The following TRIO variants were observed in gnomAD, a reference collection of about 807,000 sequenced individuals.
The protein encoded by TRIO is trio Rho guanine nucleotide exchange factor.
A neutral mutation model predicts 351.9 loss-of-function variants in TRIO; 58 were observed. That is an observed-to-expected ratio of 0.16 (90% CI 0.13 to 0.21). TRIO has a LOEUF of 0.21. TRIO is among the 10% of genes least tolerant of loss of function. TRIO has a pLI of 1.00. For missense variants in TRIO, 3,201 were observed against 4,027.8 expected (o/e 0.79, Z 5.56); for synonymous variants, 1,758 against 1,595.7 (o/e 1.10, Z -2.42).
At chr5:14,239,502 T>G (rs558796928) in intron 1 of TRIO, among the ~76,000 whole-genome samples, 2 of 152,304 alleles carry the variant, frequency 1.3e-5, no homozygotes, top group South Asian at 4.1e-4. Context: ...GTCGTGCACG[T>G]AATGACTTGT....
At chr5:14,229,843 C>T (rs1380441924) in intron 1 of TRIO, among the ~76,000 whole-genome samples, 2 of 152,224 alleles carry the variant, frequency 1.3e-5, no homozygotes, top group African/African-American at 2.4e-5. Context: ...TTAGGTATGA[C>T]TGCTAAAACA....
chr5:14,498,227 A>G lies in TRIO; in HGVS notation c.8186A>G (p.Asp2729Gly). 6.2e-7 allele frequency: 1 copy of G among 1,614,148 alleles called. No homozygotes were observed. ...KGPEHNTLNNDGHYSISYSDL... is the reference protein window; with the variant it reads ...KGPEHNTLNNGGHYSISYSDL... The stretch of plus-strand genomic sequence containing the variant: ...CCTGAACACAACACCTTGAACAACG[A>G]TGGTCACTACAGCATCTCCTACAGG... Residue 2729 changes from aspartate (D) to glycine (G), a missense_variant, in exon 52 of 57, where the codon GAT becomes GGT. Coordinates refer to ENST00000344204, the MANE Select transcript of TRIO (RefSeq NM_007118.4).
chr5:14,444,134 A>G (rs539608474), intron 34 of TRIO, among the ~76,000 whole-genome samples: 114 of 151,212 alleles, frequency 7.5e-4, no homozygotes, highest in Non-Finnish European at 1.5e-3. Context: ...TCACCACTGC[A>G]ATTTTTGTTT....
intron 9 of TRIO, among the ~76,000 whole-genome samples, chr5:14,325,431 C>G (rs967893230): frequency 6.6e-6 from 1 of 152,120 alleles, no homozygotes; most frequent in Non-Finnish European, 1.5e-5. Flanking sequence ...ACAGAACACA[C>G]GGCGAGAGAG....
intron 1 of TRIO, among the ~76,000 whole-genome samples, chr5:14,172,754 G>C (rs1789174398): frequency 6.6e-6 from 1 of 152,248 alleles, no homozygotes; most frequent in African/African-American, 2.4e-5. Flanking sequence ...TGAGGGATAA[G>C]TAATCCCATC....
rs1297411943 is a variant in TRIO at position 14,421,226 on chromosome 5, TATTTA to T, written c.5203+1206_5203+1210del. 1.1e-4 allele frequency among the ~76,000 whole-genome samples: 13 copies of T among 113,672 alleles called. No individual in the cohort carries two copies. The Admixed American group carries it at 1.2e-3, about 10-fold the overall frequency. The allele number at this position is 113,672 out of a possible 152,430, so 74.6% of individuals were successfully genotyped here. ...TTTTTCCCTTATTTAATTATTTATTTATTTATTTTATTTTATTTTATTTTATTTTA... is the reference window on the plus strand; with the variant it reads ...TTTTTCCCTTATTTAATTATTTATTTTTTTATTTTATTTTATTTTATTTTA... On this transcript the variant is annotated intron_variant, in intron 34 of 56. Transcript: ENST00000344204.
rs183029562 is a variant in TRIO at position 14,206,702 on chromosome 5, T to A, written c.157+62820T>A. The stretch of plus-strand genomic sequence containing the variant: ...CTGAAGTACATATTCGTTATCTGCG[T>A]GAGACAGTACAGATTGGTGTATAGT... On this transcript the variant is annotated intron_variant, in intron 1 of 56. Coordinates refer to ENST00000344204, the MANE Select transcript of TRIO (RefSeq NM_007118.4). Among the ~76,000 whole-genome samples, 562 of 152,348 alleles carry A rather than the reference T, an allele frequency of 3.7e-3. 3 individuals are homozygous for A. Among genetic ancestry groups the A allele is most frequent in the African/African-American group, 0.013 (540 of 41,580 alleles).
At chr5:14,149,485 G>A (rs955964755) in intron 1 of TRIO, among the ~76,000 whole-genome samples, 2 of 152,114 alleles carry the variant, frequency 1.3e-5, no homozygotes, top group Non-Finnish European at 2.9e-5. Context: ...ACATAAGGAA[G>A]CCCCTTGAAA....
At chr5:14,506,977 C>T in intron 55 of TRIO, 145 bp from the exon 56 acceptor site, 4 of 1,130,026 alleles carry the variant, frequency 3.5e-6, no homozygotes, top group Non-Finnish European at 4.7e-6. Context: ...CCCTCCTTGT[C>T]TAGTCACGCC....
chr5:14,176,749 C>A (rs1293851900), intron 1 of TRIO, among the ~76,000 whole-genome samples: 2 of 152,152 alleles, frequency 1.3e-5, no homozygotes, highest in African/African-American at 4.8e-5. Context: ...AGCCTCAGTT[C>A]ATTCTTTTAA....
At chr5:14,290,592 T>G in intron 4 of TRIO, 124 bp from the exon 5 acceptor site, 1 of 1,007,762 alleles carries the variant, frequency 9.9e-7, no homozygotes, top group Non-Finnish European at 1.4e-6. Context: ...ACCAGGTATG[T>G]TATGTTTTCT....
intron 25 of TRIO, 98 bp downstream of exon 25, chr5:14,389,496 C>T (rs890218914): frequency 2.3e-6 from 2 of 854,168 alleles, no homozygotes; most frequent in South Asian, 3.9e-5. Context: ...AAGCAGATTT[C>T]AGTGATTTTG....
At chr5:14,283,301 C>G (rs943593958) in intron 3 of TRIO, among the ~76,000 whole-genome samples, 1 of 152,150 alleles carries the variant, frequency 6.6e-6, no homozygotes, top group East Asian at 1.9e-4. Flanking sequence ...CTCGTGCTTC[C>G]CAGATTTGAA....
chr5:14,267,823 A>G (rs1053320697), intron 1 of TRIO, among the ~76,000 whole-genome samples: 17 of 152,152 alleles, frequency 1.1e-4, no homozygotes, highest in Admixed American at 7.9e-4. Context: ...AGTCACCACA[A>G]TAATGACAAA....
intron 11 of TRIO, among the ~76,000 whole-genome samples, chr5:14,348,864 A>ATG (rs1742715658): frequency 1.7e-5 from 1 of 59,194 alleles, no homozygotes; most frequent in Non-Finnish European, 3.7e-5. Context: ...TTTTTCCTGT[A>ATG]TATGTGTATG....
intron 34 of TRIO, among the ~76,000 whole-genome samples, chr5:14,424,107 G>T (rs1750425593): frequency 6.6e-6 from 1 of 152,044 alleles, no homozygotes; most frequent in Non-Finnish European, 1.5e-5. Flanking sequence ...TGGCAAGGGA[G>T]GAGTGAGTGG....
chr5:14,399,838 G>C (rs1367310111), intron 30 of TRIO, among the ~76,000 whole-genome samples: 2 of 152,150 alleles, frequency 1.3e-5, no homozygotes, highest in African/African-American at 4.8e-5. Context: ...GCAGGGCCAG[G>C]CAGAAGGGAC....
chr5:14,304,539 G>A lies in TRIO; in HGVS notation c.1447G>A (p.Ala483Thr). The change falls in exon 8 of 57, where the codon GCC becomes ACC. Residue 483 changes from alanine to threonine, a missense_variant. Physicochemically the swap from Ala to Thr is moderately conservative, Grantham distance 58. Coordinates refer to ENST00000344204, the MANE Select transcript of TRIO (RefSeq NM_007118.4). ...LPSELQDLED[A>T]IHHHQGIYEH... ...CTCAGAGCTGCAGGACCTAGAAGAT[G>A]CCATTCATCACCACCAGGGAATATA... 6.2e-7 allele frequency: 1 copy of A among 1,614,124 alleles called. No homozygotes were observed. Among genetic ancestry groups the A allele is most frequent in the South Asian group, 1.1e-5 (1 of 91,074 alleles).
chr5:14,410,869 C>T (rs992363088), intron 33 of TRIO, among the ~76,000 whole-genome samples: 44 of 152,294 alleles, frequency 2.9e-4, no homozygotes, highest in African/African-American at 1.1e-3. Flanking sequence ...CCCAGCAGCA[C>T]GTTTCCTACT....
Sources: allele counts gnomAD v4.1 joint callset (sites outside exome capture counted in the v4.1 genomes callset), GRCh38; gene constraint gnomAD v4.1.1; transcripts MANE v1.5; gene names NCBI Gene and HGNC (gene_info 2026-07-23, HGNC 2026-07-21).